Variants in CSRP2 observed in about 807,000 individuals in gnomAD.
The protein encoded by CSRP2 is cysteine and glycine rich protein 2.
CSRP2 carries 18 observed loss-of-function variants against 24.6 expected under a neutral mutation model. The ratio of observed to expected loss-of-function variants is 0.73; its 90% CI spans 0.51 to 1.09. The LOEUF is 1.09. Among genes scored for constraint, CSRP2 ranks in the 50% least tolerant of loss-of-function variants. The pLI is 0.00. For missense variants in CSRP2, 215 were observed against 239.4 expected (o/e 0.90, Z 0.67); for synonymous variants, 87 against 84.3 (o/e 1.03, Z -0.18).
chr12:76,868,769 T>C (rs1257798567), intron 1 of CSRP2, among the ~76,000 whole-genome samples: 1 of 151,854 alleles, frequency 6.6e-6, no homozygotes, highest in Non-Finnish European at 1.5e-5. Flanking sequence ...CCGTCTCTAC[T>C]AAAAATACAA....
At chr12:76,876,870 AC>A (rs1953858046) in intron 1 of CSRP2, among the ~76,000 whole-genome samples, 1 of 152,120 alleles carries the variant, frequency 6.6e-6, no homozygotes, top group South Asian at 2.1e-4. Flanking sequence ...ACAAGGAACT[AC>A]TCCCAGGCTG....
intron 2 of CSRP2, chr12:76,864,544 T>G (rs1565822968): frequency 1.3e-5 from 2 of 152,016 alleles, no homozygotes; most frequent in African/African-American, 4.8e-5. Flanking sequence ...ATGATGTGAT[T>G]AACATACATT....
chr12:76,861,491 G>A (rs1423312957), intron 3 of CSRP2: 2 of 151,914 alleles, frequency 1.3e-5, no homozygotes, highest in African/African-American at 2.4e-5. Context: ...GATGCAGGTT[G>A]AGTGAGGGGA....
At chr12:76,863,427 A>G (rs935887092) in intron 2 of CSRP2, 83 bp from the exon 3 acceptor site, 1 of 1,388,510 alleles carries the variant, frequency 7.2e-7, no homozygotes, top group Non-Finnish European at 9.9e-7. Flanking sequence ...CACATGGCCT[A>G]CAAATGGTGA....
At chr12:76,866,616 C>G (rs1372148891) in intron 1 of CSRP2, among the ~76,000 whole-genome samples, 1 of 152,196 alleles carries the variant, frequency 6.6e-6, no homozygotes, top group East Asian at 1.9e-4. Context: ...GTCCCCCTCC[C>G]TAATATGCCC....
intron 1 of CSRP2, among the ~76,000 whole-genome samples, chr12:76,874,275 C>T (rs187054551): frequency 6.6e-6 from 1 of 152,232 alleles, no homozygotes; most frequent in Admixed American, 6.5e-5. Flanking sequence ...CATGGAAATA[C>T]CGCAGTACAC....
At chr12:76,870,975 C>CAAAAAAAA (rs398020213) in intron 1 of CSRP2, among the ~76,000 whole-genome samples, 1 of 57,180 alleles carries the variant, frequency 1.7e-5, no homozygotes, top group Non-Finnish European at 2.9e-5. Context: ...GACCCTGTCT[C>CAAAAAAAA]AAAAAAAAAA....
intron 1 of CSRP2, among the ~76,000 whole-genome samples, chr12:76,871,636 T>A (rs1047153359): frequency 1.3e-5 from 2 of 151,814 alleles, no homozygotes; most frequent in Non-Finnish European, 2.9e-5. Flanking sequence ...CGGTGGCAGG[T>A]GCCTGTAGTC....
intron 2 of CSRP2, 128 bp from the exon 3 acceptor site, chr12:76,863,472 G>C (rs1350505119): frequency 1.1e-6 from 1 of 920,324 alleles, no homozygotes; most frequent in African/African-American, 1.7e-5. Context: ...GGTTTATCCT[G>C]TGGCTTCCCA....
At chr12:76,862,157 T>C (rs1310716051) in intron 3 of CSRP2, 2 of 152,174 alleles carry the variant, frequency 1.3e-5, no homozygotes, top group African/African-American at 4.8e-5. Context: ...TGTTGGACTA[T>C]TACACCAATT....
At chr12:76,876,676 A>G (rs1592515327) in intron 1 of CSRP2, among the ~76,000 whole-genome samples, 1 of 152,224 alleles carries the variant, frequency 6.6e-6, no homozygotes, top group African/African-American at 2.4e-5. Flanking sequence ...AAGGGATGGC[A>G]TGCTGGCAGT....
At chr12:76,868,804 G>C (rs939875584) in intron 1 of CSRP2, among the ~76,000 whole-genome samples, 1 of 152,008 alleles carries the variant, frequency 6.6e-6, no homozygotes, top group Admixed American at 6.6e-5. Flanking sequence ...ACGGTGGTGG[G>C]GGCCTGTAGT....
intron 1 of CSRP2, among the ~76,000 whole-genome samples, chr12:76,870,715 T>C (rs1434344314): frequency 2.6e-5 from 4 of 151,828 alleles, no homozygotes; most frequent in African/African-American, 9.7e-5. Flanking sequence ...TTTTTTAAGA[T>C]GGTTAGGGAG....
intron 1 of CSRP2, among the ~76,000 whole-genome samples, chr12:76,873,489 G>A (rs1383863242): frequency 6.6e-6 from 1 of 152,132 alleles, no homozygotes; most frequent in Non-Finnish European, 1.5e-5. Flanking sequence ...TTAGTGATCA[G>A]CTCCGTACTC....
intron 1 of CSRP2, among the ~76,000 whole-genome samples, chr12:76,870,568 G>A (rs2137833293): frequency 6.6e-6 from 1 of 152,262 alleles, no homozygotes; most frequent in African/African-American, 2.4e-5. Context: ...CAGAGTATTT[G>A]CATATATCAA....
At chr12:76,862,438 G>C (rs1953691073) in intron 3 of CSRP2, 1 of 159,598 alleles carries the variant, frequency 6.3e-6, no homozygotes, top group Non-Finnish European at 1.4e-5. Context: ...CTACTCAGGA[G>C]GCTGAGACAA....
intron 1 of CSRP2, among the ~76,000 whole-genome samples, chr12:76,871,299 G>T (rs1447005932): frequency 6.6e-6 from 1 of 152,210 alleles, no homozygotes; most frequent in Non-Finnish European, 1.5e-5. Flanking sequence ...TATCCAGCCT[G>T]CTATCAGTAC....
chr12:76,859,093 G>T, intron 5 of CSRP2, 65 bp from the exon 6 acceptor site: 1 of 1,337,578 alleles, frequency 7.5e-7, no homozygotes, highest in Non-Finnish European at 1.1e-6. Context: ...CACTGCTTAA[G>T]ACCCACTCAA....
chr12:76,864,247 GA>G (rs1464930801), intron 2 of CSRP2: 1 of 152,184 alleles, frequency 6.6e-6, no homozygotes, highest in East Asian at 1.9e-4. Flanking sequence ...CTGGCAGCTG[GA>G]AATCAAAGAT....
Sources: allele counts gnomAD v4.1 joint callset (sites outside exome capture counted in the v4.1 genomes callset), GRCh38; gene constraint gnomAD v4.1.1; transcripts MANE v1.5; gene names NCBI Gene and HGNC (gene_info 2026-07-23, HGNC 2026-07-21).